WDR72: variants seen among roughly 807,000 people sequenced by gnomAD.
WDR72 encodes the protein WD repeat domain 72.
Under a neutral mutation model 124.2 loss-of-function variants are expected in WDR72, and 120 were observed. The observed-to-expected ratio is 0.97, with a 90% confidence interval of 0.83 to 1.12. The LOEUF (loss-of-function observed/expected upper bound fraction) is 1.12, where lower values mean the gene tolerates loss of function less well. WDR72 is among the 50% of genes most tolerant of loss of function. The probability of loss-of-function intolerance (pLI) is 0.00; values close to 1 mark genes in which losing one functional copy is unlikely to be tolerated. For synonymous variants in WDR72, 452 were observed against 441.7 expected (o/e 1.02, Z -0.29); for missense variants, 1,387 against 1,278.8 (o/e 1.08, Z -1.29).
At chr15:53,567,394 C>T (rs1894340093) in intron 18 of WDR72, among the ~76,000 whole-genome samples, 2 of 151,924 alleles carry the variant, frequency 1.3e-5, no homozygotes, top group Admixed American at 6.6e-5. Flanking sequence ...GAAGCTCCAA[C>T]AGGCCCACCA....
chr15:53,678,276 G>A (rs1269301257), intron 13 of WDR72, among the ~76,000 whole-genome samples: 1 of 151,982 alleles, frequency 6.6e-6, no homozygotes, highest in African/African-American at 2.4e-5. Context: ...ATCTTTTACT[G>A]AAGGCTTACG....
chr15:53,744,144 T>A (rs534339310), intron 1 of WDR72, among the ~76,000 whole-genome samples: 29 of 152,286 alleles, frequency 1.9e-4, no homozygotes, highest in Admixed American at 1.4e-3. Flanking sequence ...GTGATACAAA[T>A]CAGCTAAATC....
Position 53,721,987 on chromosome 15 carries a change from A to ATAAT in WDR72, c.260+811_260+814dup, listed in dbSNP as rs1595873853. On this transcript the variant is annotated intron_variant, in intron 3 of 19. Transcript: ENST00000360509. ...CCATCTCTCTGCCACCATTCTACTG[A>ATAAT]TAATTGAGTCCTCTCCTCTGTGAGA... Among the ~76,000 whole-genome samples, 3 of 151,888 alleles carry ATAAT rather than the reference A, an allele frequency of 2.0e-5. No individual in the cohort carries two copies. In the South Asian group the frequency reaches 6.3e-4, roughly 32 times the overall value.
At chr15:53,650,893 G>GTTTTTTTTTTTTTTTTTTTTTTTTT (rs71297666) in intron 14 of WDR72, among the ~76,000 whole-genome samples, 1 of 106,782 alleles carries the variant, frequency 9.4e-6, no homozygotes, top group African/African-American at 3.8e-5. Context: ...CTCTAATTCA[G>GTTTTTTTTTTTTTTTTTTTTTTTTT]TTTTTTTTTT....
At chr15:53,721,097 T>G (rs1051115384) in intron 3 of WDR72, among the ~76,000 whole-genome samples, 1 of 152,152 alleles carries the variant, frequency 6.6e-6, no homozygotes, top group African/African-American at 2.4e-5. Flanking sequence ...CTGAAAAGTA[T>G]CTTATAGATA....
intron 14 of WDR72, among the ~76,000 whole-genome samples, chr15:53,639,524 A>ATTTATAAAATTATATATAATTTTATTTT: frequency 6.8e-6 from 1 of 146,598 alleles, no homozygotes; most frequent in East Asian, 1.9e-4. Context: ...AATTTTATTT[A>ATTTATAAAATTATATATAATTTTATTTT]TTTATAAAAT....
At chr15:53,660,036 C>A (rs1292128030) in intron 14 of WDR72, among the ~76,000 whole-genome samples, 3 of 151,706 alleles carry the variant, frequency 2.0e-5, no homozygotes, top group African/African-American at 7.3e-5. Context: ...TATTTATTTT[C>A]TTTTAAAATT....
intron 16 of WDR72, among the ~76,000 whole-genome samples, chr15:53,610,633 G>T (rs1018379551): frequency 6.6e-6 from 1 of 151,446 alleles, no homozygotes; most frequent in African/African-American, 2.4e-5. Flanking sequence ...TGCAATAAAG[G>T]TATTGTATAC....
At chr15:53,743,389 A>T (rs1390599567) in intron 1 of WDR72, among the ~76,000 whole-genome samples, 1 of 152,134 alleles carries the variant, frequency 6.6e-6, no homozygotes, top group Non-Finnish European at 1.5e-5. Context: ...ATAGATTGAA[A>T]TTTAGGTATA....
At chr15:53,676,004 T>C (rs1299844487) in intron 13 of WDR72, among the ~76,000 whole-genome samples, 1 of 152,168 alleles carries the variant, frequency 6.6e-6, no homozygotes, top group African/African-American at 2.4e-5. Context: ...AGCAGGCATG[T>C]CAGGATTTGT....
At chr15:53,672,124 A>G (rs1416039378) in intron 13 of WDR72, among the ~76,000 whole-genome samples, 2 of 152,122 alleles carry the variant, frequency 1.3e-5, no homozygotes, top group Non-Finnish European at 2.9e-5. Flanking sequence ...TGATAAAATT[A>G]ACTTTACTTC....
At chr15:53,619,002 A>G (rs989994187) in intron 14 of WDR72, among the ~76,000 whole-genome samples, 25 of 151,970 alleles carry the variant, frequency 1.6e-4, no homozygotes, top group South Asian at 1.5e-3. Flanking sequence ...TGTGTTTAAT[A>G]TGTTCCTTAA....
chr15:53,631,791 G>T (rs953335030), intron 14 of WDR72, among the ~76,000 whole-genome samples: 11 of 152,158 alleles, frequency 7.2e-5, no homozygotes, highest in African/African-American at 2.7e-4. Flanking sequence ...TGAGAGTGAT[G>T]ATTTACAGTA....
intron 18 of WDR72, among the ~76,000 whole-genome samples, chr15:53,587,552 T>C (rs1453904109): frequency 1.3e-5 from 2 of 152,068 alleles, no homozygotes; most frequent in African/African-American, 4.8e-5. Context: ...AAATGTTATA[T>C]AAATGATGTA....
chr15:53,697,248 T>C (rs181453707), intron 13 of WDR72, among the ~76,000 whole-genome samples: 1 of 152,320 alleles, frequency 6.6e-6, no homozygotes, highest in African/African-American at 2.4e-5. Flanking sequence ...ATTGTCCATG[T>C]GACAACCCAC....
chr15:53,656,414 G>A (rs1177228754), intron 14 of WDR72, among the ~76,000 whole-genome samples: 1 of 152,074 alleles, frequency 6.6e-6, no homozygotes, highest in African/African-American at 2.4e-5. Flanking sequence ...TAAAGATAAA[G>A]TCTTAATACA....
intron 13 of WDR72, among the ~76,000 whole-genome samples, chr15:53,668,891 T>G (rs1595833837): frequency 4.4e-5 from 5 of 114,406 alleles, no homozygotes; most frequent in Non-Finnish European, 6.8e-5. Flanking sequence ...AGTGACAAGG[T>G]GAGACCTCGT....
At chr15:53,694,816 T>C (rs477598) in intron 13 of WDR72, among the ~76,000 whole-genome samples, 147,196 of 152,304 alleles carry the variant, frequency 0.97, 71,327 homozygotes, top group East Asian at 1. Flanking sequence ...ACATTTTCTA[T>C]TGCTTTAAGA....
chr15:53,678,683 T>C (rs515611), intron 13 of WDR72, among the ~76,000 whole-genome samples: 2 of 152,254 alleles, frequency 1.3e-5, no homozygotes, highest in African/African-American at 4.8e-5. Context: ...CCTCCCTTTT[T>C]TGGTCCCCTG....
Sources: gnomAD v4.1 joint callset for allele counts (sites outside exome capture counted in the v4.1 genomes callset) on GRCh38, gnomAD v4.1.1 for gene constraint, MANE v1.5 for transcripts, NCBI Gene and HGNC (gene_info 2026-07-23, HGNC 2026-07-21) for gene names.